Variants in EDA observed in about 807,000 individuals in gnomAD.
EDA encodes the protein ectodysplasin-A.
EDA carries 2 observed loss-of-function variants against 23.6 expected under a neutral mutation model. The ratio of observed to expected loss-of-function variants is 0.08; its 90% CI spans 0.03 to 0.27. The LOEUF (loss-of-function observed/expected upper bound fraction) is 0.27, where lower values mean the gene tolerates loss of function less well. Ranked by LOEUF, EDA falls within the 10% of genes least tolerant of loss-of-function variation. The pLI is 1.00. For synonymous variants in EDA, 131 were observed against 132.0 expected (o/e 0.99, Z 0.05); for missense variants, 229 against 324.2 (o/e 0.71, Z 2.26).
intron 1 of EDA, among the ~76,000 whole-genome samples, chrX:69,688,788 G>T: frequency 8.9e-6 from 1 of 112,048 alleles, no homozygotes; most frequent in Non-Finnish European, 1.9e-5. Flanking sequence ...GGTGACAAAG[G>T]ATGAAACTGC....
chrX:69,721,487 A>G (rs2012578559), intron 1 of EDA, among the ~76,000 whole-genome samples: 1 of 111,430 alleles, frequency 9.0e-6, no homozygotes, highest in Non-Finnish European at 1.9e-5. Context: ...CAGCCTCAGT[A>G]TGTCTTGGGG....
At chrX:69,728,334 C>T (rs770291715) in intron 1 of EDA, among the ~76,000 whole-genome samples, 2 of 111,082 alleles carry the variant, frequency 1.8e-5, no homozygotes, top group Admixed American at 9.5e-5. Flanking sequence ...GGGAATCATA[C>T]GAACACAGAA....
chrX:69,968,143 A>G (rs987356843), intron 2 of EDA, among the ~76,000 whole-genome samples: 6 of 111,783 alleles, frequency 5.4e-5, no homozygotes, highest in South Asian at 3.8e-4. Context: ...AGAAAATCTT[A>G]TAAGTAATTC....
rs189589732 is a variant in EDA at position 69,821,243 on chromosome X, G to T, written c.397-135784G>T. 2.8e-5 allele frequency among the ~76,000 whole-genome samples: 3 copies of T among 106,187 alleles called. No individual in the cohort carries two copies. In the Admixed American group the frequency reaches 3.1e-4, roughly 11 times the overall value. 92.2% of individuals were successfully genotyped at this position (106,187 alleles called of 115,157 possible). ...GAACAACACACACTGGGGCCTACTG[G>T]GGGGGATGAGGGGGGTGGGAGAGCA... On this transcript the variant is annotated intron_variant, in intron 1 of 7. Transcript: ENST00000374552.
chrX:69,835,634 T>C (rs2016752445), intron 1 of EDA, among the ~76,000 whole-genome samples: 1 of 111,300 alleles, frequency 9.0e-6, no homozygotes. Flanking sequence ...TCAAGGTTTT[T>C]TGCTTCCTTG....
intron 1 of EDA, among the ~76,000 whole-genome samples, chrX:69,655,858 T>C (rs1201175154): frequency 1.0e-5 from 1 of 99,013 alleles, no homozygotes; most frequent in Admixed American, 1.2e-4. Flanking sequence ...CACAACAAAA[T>C]ACCTGTTCCC....
intron 2 of EDA, among the ~76,000 whole-genome samples, chrX:69,972,386 C>G (rs2019260313): frequency 9.0e-6 from 1 of 111,576 alleles, no homozygotes; most frequent in Admixed American, 9.6e-5. Flanking sequence ...ATGGCTGTAA[C>G]TAGGCCCCCT....
intron 1 of EDA, 36 bp from the exon 2 acceptor site, chrX:69,956,991 G>A: frequency 7.7e-6 from 9 of 1,162,735 alleles, no homozygotes; most frequent in Non-Finnish European, 1.1e-5. Context: ...ACTGAGTGGG[G>A]TCAACCTTTG....
At chrX:69,718,413 A>G (rs148118024) in intron 1 of EDA, among the ~76,000 whole-genome samples, 1,229 of 111,344 alleles carry the variant, frequency 0.011, 7 homozygotes, top group Middle Eastern at 0.033. Flanking sequence ...ACCATTAAGT[A>G]TGATGTTACC....
intron 1 of EDA, among the ~76,000 whole-genome samples, chrX:69,670,704 A>T (rs921132423): frequency 1.9e-5 from 2 of 106,979 alleles, no homozygotes; most frequent in African/African-American, 6.8e-5. Context: ...AGTTCTCTCT[A>T]TTGTATTTTT....
intron 2 of EDA, among the ~76,000 whole-genome samples, chrX:70,005,514 C>T (rs1391539324): frequency 9.0e-6 from 1 of 110,938 alleles, no homozygotes; most frequent in African/African-American, 3.3e-5. Context: ...TTAAGTAGAA[C>T]GATCACATAT....
intron 1 of EDA, among the ~76,000 whole-genome samples, chrX:69,945,242 A>G (rs1457498055): frequency 8.9e-6 from 1 of 111,774 alleles, no homozygotes; most frequent in Non-Finnish European, 1.9e-5. Flanking sequence ...GAAGGCTTTC[A>G]TTTGGCCATT....
intron 1 of EDA, chrX:69,937,642 GT>G: frequency 9.0e-7 from 1 of 1,110,762 alleles, no homozygotes; most frequent in Admixed American, 2.2e-5. Context: ...TCCTCATCAT[GT>G]TTTTTAAACT....
chrX:69,616,948 G>T, intron 1 of EDA: 1 of 441,724 alleles, frequency 2.3e-6, no homozygotes, highest in East Asian at 3.8e-5. Flanking sequence ...CGCGGCCCCT[G>T]GCTGCGGGCT....
In EDA at chrX:69,760,197, CAAAAAA is replaced by C. The variant is rs1162014486; in HGVS notation, c.396+143510_396+143515del. Among the ~76,000 whole-genome samples, 4 of 46,550 alleles carry C rather than the reference CAAAAAA, an allele frequency of 8.6e-5. No homozygotes were observed. In the South Asian group the frequency reaches 7.4e-3, roughly 86 times the overall value. 40.4% of individuals were successfully genotyped at this position (46,550 alleles called of 115,157 possible). A position where few individuals can be genotyped will look rare whatever the true frequency, so the allele number is the denominator to read the frequency against. On this transcript the variant is annotated intron_variant, in intron 1 of 7. Transcript: ENST00000374552. ...GGGGTTTTATAAAAGCTCTTTTGTA[CAAAAAA>C]AAAAAAAAAAAAAAAAGCAAAGCAG... is the stretch of plus-strand genomic sequence containing the variant.
chrX:69,786,267 G>T (rs754591496), intron 1 of EDA, among the ~76,000 whole-genome samples: 1 of 110,913 alleles, frequency 9.0e-6, no homozygotes, highest in East Asian at 2.9e-4. Context: ...AGTTTTTGAA[G>T]GGTTTTTTGT....
chrX:69,998,328 T>C (rs946169876), intron 2 of EDA, among the ~76,000 whole-genome samples: 2 of 112,566 alleles, frequency 1.8e-5, no homozygotes, highest in African/African-American at 6.5e-5. Context: ...GATTTCAGAC[T>C]TGCATGGGGC....
At chrX:69,908,036 G>A (rs2018204793) in intron 1 of EDA, among the ~76,000 whole-genome samples, 2 of 111,665 alleles carry the variant, frequency 1.8e-5, no homozygotes, top group Admixed American at 9.5e-5. Flanking sequence ...CAGAGAGGAA[G>A]GTTGGGAGTG....
At chrX:69,888,978 TTATATATATATATATATATATATA>T (rs935436674) in intron 1 of EDA, among the ~76,000 whole-genome samples, 22 of 16,014 alleles carry the variant, frequency 1.4e-3, no homozygotes, top group Admixed American at 5.7e-3. Flanking sequence ...TGTGGGGTAG[TTATATATATATATATATATATATA>T]TATATATATA....
Sources: allele counts gnomAD v4.1 joint callset (sites outside exome capture counted in the v4.1 genomes callset), GRCh38; gene constraint gnomAD v4.1.1; transcripts MANE v1.5; gene names NCBI Gene and HGNC (gene_info 2026-07-23, HGNC 2026-07-21).